VWA3B: variants seen among roughly 807,000 people sequenced by gnomAD.
VWA3B encodes the protein von Willebrand factor A domain containing 3B.
In VWA3B, 138 loss-of-function variants were observed where a neutral mutation model predicts 158.3. The observed-to-expected ratio is 0.87, with a 90% confidence interval of 0.76 to 1.00. The LOEUF is 1.00. Ranked by LOEUF, VWA3B falls within the 50% of genes least tolerant of loss-of-function variation. The pLI is 0.00. For missense variants in VWA3B, 1,555 were observed against 1,565.1 expected (o/e 0.99, Z 0.11); for synonymous variants, 596 against 587.3 (o/e 1.01, Z -0.21).
intron 16 of VWA3B, among the ~76,000 whole-genome samples, chr2:98,234,104 T>C (rs746211966): frequency 1.6e-4 from 24 of 152,222 alleles, no homozygotes; most frequent in Non-Finnish European, 3.2e-4. Flanking sequence ...CCCTGAACCC[T>C]GCAATCTTTG....
intron 7 of VWA3B, among the ~76,000 whole-genome samples, chr2:98,156,659 A>T (rs1451770056): frequency 7.0e-6 from 1 of 142,220 alleles, no homozygotes; most frequent in Non-Finnish European, 1.5e-5. Context: ...AAACTGAAAA[A>T]AACTCAGTTT....
chr2:98,308,386 A>T (rs959158515), intron 26 of VWA3B, among the ~76,000 whole-genome samples: 2 of 152,166 alleles, frequency 1.3e-5, no homozygotes, highest in African/African-American at 4.8e-5. Flanking sequence ...GCTACATTCC[A>T]TGGCATCAGA....
intron 19 of VWA3B, among the ~76,000 whole-genome samples, chr2:98,240,706 T>C (rs1245344459): frequency 5.9e-5 from 9 of 152,166 alleles, no homozygotes; most frequent in Admixed American, 5.9e-4. Flanking sequence ...GCCTATTCTT[T>C]CCTCATTGGT....
intron 2 of VWA3B, among the ~76,000 whole-genome samples, chr2:98,108,079 A>T (rs562331610): frequency 6.6e-6 from 1 of 152,196 alleles, no homozygotes; most frequent in African/African-American, 2.4e-5. Context: ...CCACTTAATT[A>T]AAAGTCTTTT....
rs570509283 is a variant in VWA3B, at chr2:98,210,016, G to T, written c.1738-1914G>T. ...CTGCAGGGGTGGAAGGCATGTCCCT[G>T]GGCTGCCTGCTGTTGCTGGGTGACC... On this transcript the variant is annotated intron_variant, in intron 12 of 27. Coordinates refer to ENST00000477737, the MANE Select transcript of VWA3B (RefSeq NM_144992.5). Among the ~76,000 whole-genome samples the T allele has an allele frequency of 7.9e-5, 12 of 152,246 alleles. No individual in the cohort carries two copies. In the South Asian group the frequency reaches 2.5e-3, roughly 32 times the overall value.
chr2:98,293,599 T>G (rs918382195), intron 23 of VWA3B, among the ~76,000 whole-genome samples: 1 of 152,216 alleles, frequency 6.6e-6, no homozygotes, highest in Non-Finnish European at 1.5e-5. Flanking sequence ...TGGTCACATT[T>G]TATCACATAT....
intron 9 of VWA3B, among the ~76,000 whole-genome samples, chr2:98,181,413 A>G (rs1365090034): frequency 6.6e-6 from 1 of 152,146 alleles, no homozygotes; most frequent in Non-Finnish European, 1.5e-5. Flanking sequence ...AAGGCTGGGA[A>G]TGAGTTCTAG....
At chr2:98,092,930 A>G (rs369375210) in intron 1 of VWA3B, 131 bp from the exon 2 acceptor site, 52 of 559,542 alleles carry the variant, frequency 9.3e-5, no homozygotes, top group South Asian at 7.6e-4. Context: ...CCAAATATAC[A>G]TGTATAATTT....
chr2:98,194,932 T>C (rs1236281847), intron 12 of VWA3B, among the ~76,000 whole-genome samples: 2 of 152,172 alleles, frequency 1.3e-5, no homozygotes, highest in Non-Finnish European at 2.9e-5. Flanking sequence ...TGTTTAGGAC[T>C]GAATGCAAGA....
intron 21 of VWA3B, among the ~76,000 whole-genome samples, chr2:98,258,390 A>G (rs769993592): frequency 2.1e-5 from 3 of 139,662 alleles, no homozygotes; most frequent in Non-Finnish European, 4.4e-5. Context: ...CTATTTCTGA[A>G]AAAAAAATTG....
chr2:98,296,834 A>G (rs1689828727), intron 23 of VWA3B, among the ~76,000 whole-genome samples: 2 of 151,892 alleles, frequency 1.3e-5, no homozygotes, highest in African/African-American at 2.4e-5. Flanking sequence ...ACATCTTAAC[A>G]CAGGTATTTT....
At chr2:98,243,728 G>A (rs1686222564) in intron 19 of VWA3B, among the ~76,000 whole-genome samples, 1 of 152,142 alleles carries the variant, frequency 6.6e-6, no homozygotes, top group Non-Finnish European at 1.5e-5. Context: ...TTGTTCTATG[G>A]AGCCTGCAGG....
chr2:98,105,562 G>C (rs1402727641), intron 2 of VWA3B, among the ~76,000 whole-genome samples: 1 of 152,032 alleles, frequency 6.6e-6, no homozygotes, highest in Non-Finnish European at 1.5e-5. Context: ...TTTAGCCTGT[G>C]ATCTATTTTG....
rs768706123 is a variant in VWA3B, at chr2:98,236,599, T to C, written c.2542T>C (p.Trp848Arg). The change falls in exon 19 of 28, where the codon TGG becomes CGG. Residue 848 changes from tryptophan to arginine, a missense_variant. By Grantham distance (101) the Trp-to-Arg change is moderately radical. Transcript: ENST00000477737. ...TTCTTCAGATGTGTCTTCAGAAAAC[T>C]GGCTGAAGACCTATGGCTTGGTCGC... The part of the protein sequence containing the change: ...HDSSDVSSEN[W>R]LKTYGLVAKK... The C allele has an allele frequency of 3.4e-5, 55 of 1,614,244 alleles. No individual in the cohort carries two copies. The highest frequency in any genetic ancestry group is 4.7e-5 in the Non-Finnish European group (55 of 1,180,036).
intron 5 of VWA3B, among the ~76,000 whole-genome samples, chr2:98,127,482 CTCTG>C (rs1675460706): frequency 6.6e-6 from 1 of 150,934 alleles, no homozygotes; most frequent in Non-Finnish European, 1.5e-5. Context: ...ATAGAGAGTT[CTCTG>C]TCTCTCAATT....
At chr2:98,170,495 G>T (rs1679492745) in intron 8 of VWA3B, among the ~76,000 whole-genome samples, 1 of 152,088 alleles carries the variant, frequency 6.6e-6, no homozygotes. Context: ...CATATTTTTT[G>T]AACAAATGGA....
Position 98,239,743 on chromosome 2 carries a change from C to T in VWA3B, c.2673+3013C>T, listed in dbSNP as rs551715022. On this transcript the variant is annotated intron_variant, in intron 19 of 27. Coordinates refer to ENST00000477737, the MANE Select transcript of VWA3B (RefSeq NM_144992.5). The stretch of plus-strand genomic sequence containing the variant: ...CCTGGCCAACATGGTGAAACTCCGT[C>T]TGTACTAAAAATACAAAAAAATTAG... Among the ~76,000 whole-genome samples the T allele has an allele frequency of 2.1e-3, 323 of 151,856 alleles. 7 individuals carry two copies. In the South Asian group the frequency reaches 0.028, roughly 13 times the overall value.
intron 21 of VWA3B, 24 bp downstream of exon 21, chr2:98,256,198 A>G (rs535733534): frequency 6.8e-7 from 1 of 1,481,192 alleles, no homozygotes; most frequent in Non-Finnish European, 8.9e-7. Context: ...TTCCCTCCTC[A>G]CTTTTTTTTT....
chr2:98,304,674 A>C (rs1220673122), intron 26 of VWA3B, among the ~76,000 whole-genome samples: 1 of 152,024 alleles, frequency 6.6e-6, no homozygotes, highest in Non-Finnish European at 1.5e-5. Flanking sequence ...TGATCTGTCC[A>C]TTGGGCTCCA....
Sources: allele counts gnomAD v4.1 joint callset (sites outside exome capture counted in the v4.1 genomes callset), GRCh38; gene constraint gnomAD v4.1.1; transcripts MANE v1.5; gene names NCBI Gene and HGNC (gene_info 2026-07-23, HGNC 2026-07-21).